Variants in PCDH9 observed in about 807,000 individuals in gnomAD.
PCDH9 encodes the protein protocadherin-9.
A neutral mutation model predicts 70.6 loss-of-function variants in PCDH9; 24 were observed. That is an observed-to-expected ratio of 0.34 (90% confidence interval 0.25 to 0.48). The LOEUF (loss-of-function observed/expected upper bound fraction) is 0.48. PCDH9 is among the 20% of genes least tolerant of loss of function. The pLI, the probability that PCDH9 is intolerant of heterozygous loss-of-function variation, is 0.99. For synonymous variants in PCDH9, 562 were observed against 558.5 expected (o/e 1.01, Z -0.09); for missense variants, 1,281 against 1,503.6 (o/e 0.85, Z 2.45).
chr13:66,382,989 T>C (rs145949288), intron 4 of PCDH9, among the ~76,000 whole-genome samples: 2,518 of 151,954 alleles, frequency 0.017, 64 homozygotes, highest in African/African-American at 0.057. Context: ...GAACATGCCA[T>C]TTCACTCCAG....
intron 2 of PCDH9, among the ~76,000 whole-genome samples, chr13:67,178,763 A>G (rs190046009): frequency 6.6e-6 from 1 of 152,212 alleles, no homozygotes; most frequent in East Asian, 1.9e-4. Context: ...TGTTAATGCT[A>G]GGAAACATTT....
chr13:67,191,750 C>T lies in PCDH9; in HGVS notation c.3036+33655G>A, dbSNP rs932428991. Among the ~76,000 whole-genome samples, 6 of 152,148 alleles carry T rather than the reference C, an allele frequency of 3.9e-5. No individual in the cohort carries two copies. In the South Asian group the frequency reaches 6.2e-4, roughly 16 times the overall value. On this transcript the variant is annotated intron_variant, in intron 2 of 4. Coordinates refer to ENST00000377865, the MANE Select transcript of PCDH9 (RefSeq NM_203487.3). The stretch of plus-strand genomic sequence containing the variant: ...CTCTCTTCTCTACCTGCCCTGTCTC[C>T]GGCCCCTCCCAAGAGCATTCTCTGT...
chr13:67,033,845 C>T (rs2084955467), intron 2 of PCDH9, among the ~76,000 whole-genome samples: 1 of 152,120 alleles, frequency 6.6e-6, no homozygotes, highest in African/African-American at 2.4e-5. Flanking sequence ...GGTTGGTGCT[C>T]ACTTCAAGTT....
At chr13:66,737,846 C>G (rs994155810) in intron 3 of PCDH9, among the ~76,000 whole-genome samples, 2 of 152,140 alleles carry the variant, frequency 1.3e-5, no homozygotes, top group African/African-American at 4.8e-5. Context: ...GAGGGTCCTA[C>G]GCCCATGGAA....
At chr13:66,548,038 T>TTTGC (rs988746160) in intron 4 of PCDH9, among the ~76,000 whole-genome samples, 3 of 151,156 alleles carry the variant, frequency 2.0e-5, no homozygotes, top group African/African-American at 7.3e-5. Flanking sequence ...TGTATGTTTG[T>TTTGC]GTTTTCGTGC....
chr13:66,942,413 C>A (rs528421262), intron 2 of PCDH9, among the ~76,000 whole-genome samples: 3 of 151,286 alleles, frequency 2.0e-5, no homozygotes, highest in Non-Finnish European at 3.0e-5. Context: ...TGTTTAGATG[C>A]GTGAAAGTAA....
intron 3 of PCDH9, among the ~76,000 whole-genome samples, chr13:66,848,159 T>G (rs902965983): frequency 3.9e-5 from 6 of 152,198 alleles, no homozygotes; most frequent in Non-Finnish European, 7.3e-5. Flanking sequence ...TTGCTTTTAC[T>G]TAAAAGAATG....
intron 4 of PCDH9, among the ~76,000 whole-genome samples, chr13:66,588,543 C>T (rs1376712780): frequency 1.3e-5 from 2 of 151,670 alleles, no homozygotes; most frequent in East Asian, 1.9e-4. Context: ...TATATATGCA[C>T]ACTTCATATG....
At position 66,661,899 on chromosome 13, in the gene PCDH9, C is replaced by T. The variant is rs190416770; in HGVS notation, c.3139-30488G>A. Among the ~76,000 whole-genome samples, 8 of 152,258 alleles carry T rather than the reference C, an allele frequency of 5.3e-5. 1 individual carries two copies. The highest frequency in any genetic ancestry group is 2.6e-4 in the Admixed American group (4 of 15,300). On this transcript the variant is annotated intron_variant, in intron 3 of 4. Transcript: ENST00000377865. ...CTTTGGGCCTTATTTAACATATCCA[C>T]GCTTTACGAAATCATCACTCAAGTA...
In PCDH9 at chr13:66,680,102, G is replaced by T. The variant is rs1325326154; in HGVS notation, c.3139-48691C>A. Among the ~76,000 whole-genome samples, 3 of 151,854 alleles carry T rather than the reference G, an allele frequency of 2.0e-5. No homozygotes were observed. In the East Asian group the frequency reaches 5.8e-4, roughly 29 times the overall value. Reference sequence around the variant, plus strand: ...GATTCCTTTGGCAATATTTATGGGGGATTGACTATGTCCAAGGCTTTTTGG... The same window carrying T: ...GATTCCTTTGGCAATATTTATGGGGTATTGACTATGTCCAAGGCTTTTTGG... On this transcript the variant is annotated intron_variant, in intron 3 of 4. Coordinates refer to ENST00000377865, the MANE Select transcript of PCDH9 (RefSeq NM_203487.3).
At chr13:66,376,284 C>A (rs920147189) in intron 4 of PCDH9, among the ~76,000 whole-genome samples, 1 of 152,130 alleles carries the variant, frequency 6.6e-6, no homozygotes, top group Non-Finnish European at 1.5e-5. Flanking sequence ...TAAAACCTTT[C>A]ACACACTGAA....
chr13:66,700,946 A>G lies in PCDH9; in HGVS notation c.3139-69535T>C, dbSNP rs570969959. 4.6e-3 allele frequency among the ~76,000 whole-genome samples: 604 copies of G among 132,396 alleles called. 27 individuals carry two copies. The highest frequency in any genetic ancestry group is 0.016 in the South Asian group (66 of 4,098). 86.9% of individuals were successfully genotyped at this position (132,396 alleles called of 152,430 possible). A position where few individuals can be genotyped will look rare whatever the true frequency, so the allele number is the denominator to read the frequency against. The stretch of plus-strand genomic sequence containing the variant: ...TAAATATATATATATATATATATAT[A>G]TATATATATATATATATATATATAC... On this transcript the variant is annotated intron_variant, in intron 3 of 4. Transcript: ENST00000377865.
intron 2 of PCDH9, among the ~76,000 whole-genome samples, chr13:66,944,626 C>T (rs2083057282): frequency 6.6e-6 from 1 of 152,068 alleles, no homozygotes; most frequent in African/African-American, 2.4e-5. Context: ...GCCAGCTGCC[C>T]CTGGAAAACA....
At chr13:66,998,815 T>C (rs772558777) in intron 2 of PCDH9, among the ~76,000 whole-genome samples, 30 of 152,326 alleles carry the variant, frequency 2.0e-4, no homozygotes, top group South Asian at 6.2e-4. Context: ...CTTTCCTTTA[T>C]TCCTTGTTGT....
chr13:66,624,205 T>C (rs2077470147), intron 4 of PCDH9, among the ~76,000 whole-genome samples: 3 of 152,228 alleles, frequency 2.0e-5, no homozygotes, highest in South Asian at 4.1e-4. Flanking sequence ...AATTCTTTCA[T>C]CATCCTAGTT....
intron 2 of PCDH9, among the ~76,000 whole-genome samples, chr13:66,964,487 T>C (rs2083399935): frequency 6.6e-6 from 1 of 152,078 alleles, no homozygotes; most frequent in Non-Finnish European, 1.5e-5. Flanking sequence ...TTCTCTACAT[T>C]AGCTTTTTCA....
rs532866799 is a variant in PCDH9 at position 67,062,532 on chromosome 13, C to A, written c.3037-158927G>T. On this transcript the variant is annotated intron_variant, in intron 2 of 4. Transcript: ENST00000377865. ...TATTGCATATTGTATATTGTTAACT[C>A]ACATTTGCAGAGACTGATGTATATT... is the stretch of plus-strand genomic sequence containing the variant. Among the ~76,000 whole-genome samples the A allele has an allele frequency of 2.0e-5, 3 of 152,220 alleles. No homozygotes were observed. The South Asian group carries it at 6.2e-4, about 32-fold the overall frequency.
intron 3 of PCDH9, among the ~76,000 whole-genome samples, chr13:66,868,615 A>G (rs141014354): frequency 1.9e-3 from 288 of 152,248 alleles, no homozygotes; most frequent in African/African-American, 6.4e-3. Context: ...AACATCACAG[A>G]CATGAGCGCA....
intron 4 of PCDH9, among the ~76,000 whole-genome samples, chr13:66,458,254 T>C (rs370221513): frequency 9.2e-5 from 14 of 152,148 alleles, no homozygotes; most frequent in Non-Finnish European, 1.5e-4. Context: ...TTTCTGGTCA[T>C]TTTAGATCAT....
Sources: allele counts gnomAD v4.1 joint callset (sites outside exome capture counted in the v4.1 genomes callset), GRCh38; gene constraint gnomAD v4.1.1; transcripts MANE v1.5; gene names NCBI Gene and HGNC (gene_info 2026-07-23, HGNC 2026-07-21).